CNTN2: variants seen among roughly 807,000 people sequenced by gnomAD.
CNTN2 encodes contactin 2.
Under a neutral mutation model 117.5 loss-of-function variants are expected in CNTN2, and 53 were observed. That is an observed-to-expected ratio of 0.45 (90% confidence interval 0.36 to 0.57). The LOEUF is 0.57. Ranked by LOEUF, CNTN2 falls within the 20% of genes least tolerant of loss-of-function variation. The probability of loss-of-function intolerance (pLI) is 0.00; values close to 1 mark genes in which losing one functional copy is unlikely to be tolerated. For synonymous variants in CNTN2, 530 were observed against 561.7 expected, an observed-to-expected ratio of 0.94 and a Z score of 0.80; for missense variants, 1,106 against 1,404.3, an observed-to-expected ratio of 0.79 and a Z score of 3.39.
intron 1 of CNTN2, among the ~76,000 whole-genome samples, chr1:205,052,518 G>T (rs1012220658): frequency 1.3e-5 from 2 of 152,218 alleles, no homozygotes; most frequent in Admixed American, 6.5e-5. Flanking sequence ...CTGGTTGGGG[G>T]CATTGCTAAT....
rs202191108 is a variant in CNTN2, at chr1:205,059,534, C to G, written c.698-49C>G. The G allele has an allele frequency of 3.9e-6, 6 of 1,547,896 alleles. No individual in the cohort carries two copies. In the East Asian group the frequency reaches 1.3e-4, roughly 35 times the overall value. On this transcript the variant is annotated intron_variant, in intron 6 of 22. Coordinates refer to ENST00000331830, the MANE Select transcript of CNTN2 (RefSeq NM_005076.5). This position sits in a 1 kb window ranked among gnomAD's most constrained non-coding sequence, Gnocchi z 5.6. ...TGCTGAGATCCCATGCACGGGAGCACCTGACCTGGAGTCATCTGCATCTGA... is the reference window on the plus strand; with the variant it reads ...TGCTGAGATCCCATGCACGGGAGCAGCTGACCTGGAGTCATCTGCATCTGA...
intron 19 of CNTN2, among the ~76,000 whole-genome samples, chr1:205,071,231 T>G (rs965686388): frequency 1.1e-4 from 16 of 151,958 alleles, no homozygotes; most frequent in Non-Finnish European, 2.1e-4. Context: ...GATCATCCTG[T>G]CCCGGGGGAA....
At position 205,066,450 on chromosome 1, in the gene CNTN2, G is replaced by A; in HGVS notation, c.1826G>A (p.Gly609Asp). 6.2e-7 allele frequency: 1 copy of A among 1,613,862 alleles called. No individual in the cohort carries two copies. The highest frequency in any genetic ancestry group is 8.5e-7 in the Non-Finnish European group (1 of 1,179,938). ...EATVLVRGPP[G>D]PPGGVVVRDI... ...TGACCTCTTGGTGCAGGTCCGCCAG[G>A]TCCCCCAGGAGGTGTGGTGGTGAGG... Residue 609 changes from glycine (G) to aspartate (D), a missense_variant, in exon 15 of 23, where the codon GGT becomes GAT. Coordinates refer to ENST00000331830, the MANE Select transcript of CNTN2 (RefSeq NM_005076.5).
In CNTN2 at chr1:205,074,502, G is replaced by C. The variant is rs1304760709; in HGVS notation, c.*737G>C. 1 of 398,172 alleles carries C rather than the reference G, an allele frequency of 2.5e-6. No individual in the cohort carries two copies. Among genetic ancestry groups the C allele is most frequent in the Admixed American group, 4.4e-5 (1 of 22,734 alleles). The allele number at this position is 398,172 out of a possible 1,614,324, so 24.7% of individuals were successfully genotyped here. On this transcript the variant is annotated 3_prime_UTR_variant, in exon 23 of 23. Transcript: ENST00000331830. ...TTGGTCTGAGATAGTCACAACCCAG[G>C]TGACGATGCCCTCTCAGCCAACACT...
intron 14 of CNTN2, 168 bp downstream of exon 14, chr1:205,066,077 A>C: frequency 2.5e-6 from 2 of 790,702 alleles, no homozygotes; most frequent in Non-Finnish European, 4.0e-6. Flanking sequence ...CAGGTCCTAA[A>C]TGATCAGGAC....
At chr1:205,053,739 C>T (rs2151186244) in intron 2 of CNTN2, among the ~76,000 whole-genome samples, 1 of 152,378 alleles carries the variant, frequency 6.6e-6, no homozygotes, top group Non-Finnish European at 1.5e-5. Context: ...CATTGCAGGA[C>T]ATTCTCCCAG....
rs1653797952 is a variant in CNTN2, at chr1:205,058,678, G to A, written c.487+15G>A. Reference sequence around the variant, plus strand: ...CCACTACCCAGGTGAGTCCAGACCTGGGGCCAGGGTTAGAGAGGGCACAGG... The same window carrying A: ...CCACTACCCAGGTGAGTCCAGACCTAGGGCCAGGGTTAGAGAGGGCACAGG... On this transcript the variant is annotated intron_variant, in intron 5 of 22. Coordinates refer to ENST00000331830, the MANE Select transcript of CNTN2 (RefSeq NM_005076.5). The surrounding 1 kb of genome is among the most constrained non-coding windows in gnomAD (Gnocchi z 4.3). 1.7e-5 allele frequency: 28 copies of A among 1,606,182 alleles called. No homozygotes were observed. The highest frequency in any genetic ancestry group is 2.4e-5 in the Non-Finnish European group (28 of 1,174,338).
intron 16 of CNTN2, chr1:205,068,237 C>G (rs1161195183): frequency 2.0e-5 from 3 of 152,182 alleles, no homozygotes; most frequent in African/African-American, 7.2e-5. Context: ...CAGGGGAAGG[C>G]CTGGAATGAG....
Position 205,070,081 on chromosome 1 carries a change from C to T in CNTN2, c.2431+20C>T, listed in dbSNP as rs4951165. On this transcript the variant is annotated intron_variant, in intron 18 of 22. Transcript: ENST00000331830. ...AGGAAGGTGGGCTGCCCCTGGGCCCCCTGCTCGTCCCTACCCCAGCCACTT... is the reference window on the plus strand; with the variant it reads ...AGGAAGGTGGGCTGCCCCTGGGCCCTCTGCTCGTCCCTACCCCAGCCACTT... The T allele has an allele frequency of 2.5e-6, 4 of 1,607,280 alleles. No individual in the cohort carries two copies. The highest frequency in any genetic ancestry group is 2.6e-6 in the Non-Finnish European group (3 of 1,175,376).
Position 205,065,886 on chromosome 1 carries a change from A to G in CNTN2, c.1793A>G (p.Lys598Arg). 2 of 1,613,636 alleles carry G rather than the reference A, an allele frequency of 1.2e-6. No individual in the cohort carries two copies. Among genetic ancestry groups the G allele is most frequent in the Non-Finnish European group, 8.5e-7 (1 of 1,179,798 alleles). Reference protein sequence around the residue: ...MAQTVVDSASKEATVLVRGPP... With the variant: ...MAQTVVDSASREATVLVRGPP... ...CAGACGGTGGTGGACAGCGCGTCCA[A>G]GGAGGCCACAGTCCTGGTCCGAGGT... Residue 598 changes from lysine (K) to arginine (R), a missense_variant, in exon 14 of 23, where the codon AAG becomes AGG. By Grantham distance (26) the Lys-to-Arg change is conservative. Coordinates refer to ENST00000331830, the MANE Select transcript of CNTN2 (RefSeq NM_005076.5). This position sits in a 1 kb window ranked among gnomAD's most constrained non-coding sequence, Gnocchi z 4.1.
Position 205,049,969 on chromosome 1 carries a change from A to T in CNTN2, c.-86-3131A>T, listed in dbSNP as rs77058025. 8.7e-3 allele frequency among the ~76,000 whole-genome samples: 1,321 copies of T among 152,264 alleles called. 13 individuals are homozygous for T. Among genetic ancestry groups the T allele is most frequent in the African/African-American group, 0.03 (1,229 of 41,534 alleles). ...CCAAACAGCCCCAAGACTTCACAGC[A>T]GCTTGAAAACCACTGCAGGGCACTC... On this transcript the variant is annotated intron_variant, in intron 1 of 22. Transcript: ENST00000331830.
Position 205,074,250 on chromosome 1 carries a change from G to C in CNTN2, c.*485G>C, listed in dbSNP as rs1654750035. The C allele has an allele frequency of 1.2e-5, 5 of 408,668 alleles. No homozygotes were observed. The highest frequency in any genetic ancestry group is 4.0e-5 in the Admixed American group (1 of 24,756). The allele number at this position is 408,668 out of a possible 1,614,324, so 25.3% of individuals were successfully genotyped here. Reference sequence around the variant, plus strand: ...GAAGAAGGGCAAGCCCTGGGACCAAGAGCTCTCCCGCCTTCTCCCTCGAGC... The same window carrying C: ...GAAGAAGGGCAAGCCCTGGGACCAACAGCTCTCCCGCCTTCTCCCTCGAGC... On this transcript the variant is annotated 3_prime_UTR_variant, in exon 23 of 23. Transcript: ENST00000331830.
chr1:205,054,339 C>T (rs79523740), intron 2 of CNTN2, among the ~76,000 whole-genome samples: 1 of 152,344 alleles, frequency 6.6e-6, no homozygotes, highest in African/African-American at 2.4e-5. Flanking sequence ...TCACTGCTTC[C>T]CAGTCCTGCA....
At position 205,061,030 on chromosome 1, in the gene CNTN2, G is replaced by C; in HGVS notation, c.798-215G>C. 1 of 542,990 alleles carries C rather than the reference G, an allele frequency of 1.8e-6. No individual in the cohort carries two copies. The highest frequency in any genetic ancestry group is 3.2e-6 in the Non-Finnish European group (1 of 308,920). The allele number at this position is 542,990 out of a possible 1,614,324, so 33.6% of individuals were successfully genotyped here. On this transcript the variant is annotated intron_variant, in intron 7 of 22. Coordinates refer to ENST00000331830, the MANE Select transcript of CNTN2 (RefSeq NM_005076.5). This position sits in a 1 kb window ranked among gnomAD's most constrained non-coding sequence, Gnocchi z 4.8. ...TCCAGGGTTGTTGCAGGGGGGATGG[G>C]TAGAGCAGCCCTGCCTCTTGCCCCT...
At chr1:205,052,997 G>T in intron 1 of CNTN2, 103 bp from the exon 2 acceptor site, 1 of 449,308 alleles carries the variant, frequency 2.2e-6, no homozygotes, top group Non-Finnish European at 4.0e-6. Flanking sequence ...GGCAATTCCG[G>T]CAGCTCCCCA....
chr1:205,055,065 G>A (rs1288008246), intron 2 of CNTN2, among the ~76,000 whole-genome samples: 1 of 152,140 alleles, frequency 6.6e-6, no homozygotes, highest in African/African-American at 2.4e-5. Flanking sequence ...CCAGGCTGGA[G>A]TGCAGTGGTG....
Position 205,067,247 on chromosome 1 carries a change from G to T in CNTN2, c.2122G>T (p.Ala708Ser). 1 of 1,612,452 alleles carries T rather than the reference G, an allele frequency of 6.2e-7. No individual in the cohort carries two copies. The highest frequency in any genetic ancestry group is 8.5e-7 in the Non-Finnish European group (1 of 1,179,168). The change falls in exon 16 of 23, where the codon GCA becomes TCA. Residue 708 changes from alanine (A) to serine (S), a missense_variant. By Grantham distance (99) the Ala-to-Ser change is moderately conservative. Coordinates refer to ENST00000331830, the MANE Select transcript of CNTN2 (RefSeq NM_005076.5). ...GPSSKIRTRE[A>S]APSVAPSGLS... Reference sequence around the variant, plus strand: ...CTCCAGCAAAATCCGGACCAGGGAAGCAGGTGAGAGTCCTGTGTGTCCCAA... The same window carrying T: ...CTCCAGCAAAATCCGGACCAGGGAATCAGGTGAGAGTCCTGTGTGTCCCAA...
At chr1:205,056,367 GC>G (rs201210831) in intron 2 of CNTN2, among the ~76,000 whole-genome samples, 7,396 of 152,300 alleles carry the variant, frequency 0.049, 278 homozygotes, top group South Asian at 0.12. Context: ...GGACTTTCCA[GC>G]CGAGATGATG....
Position 205,048,301 on chromosome 1 carries a change from G to A in CNTN2, c.-86-4799G>A, listed in dbSNP as rs985225327. On this transcript the variant is annotated intron_variant, in intron 1 of 22. Transcript: ENST00000331830. The surrounding 1 kb of genome is among the most constrained non-coding windows in gnomAD (Gnocchi z 4.1). ...TTTTATTTTTTGACTGGCTCCATGC[G>A]GGGGGCCTTATCCCAGAAAACCTTG... Among the ~76,000 whole-genome samples, 13 of 152,012 alleles carry A rather than the reference G, an allele frequency of 8.6e-5. No individual in the cohort carries two copies. The highest frequency in any genetic ancestry group is 2.0e-4 in the Admixed American group (3 of 15,242).
Sources: allele counts gnomAD v4.1 joint callset (sites outside exome capture counted in the v4.1 genomes callset), GRCh38; gene constraint gnomAD v4.1.1; non-coding constraint Gnocchi (gnomAD v3.1); transcripts MANE v1.5; gene names NCBI Gene and HGNC (gene_info 2026-07-23, HGNC 2026-07-21).